RBM28: variants seen among roughly 807,000 people sequenced by gnomAD.
The protein encoded by RBM28 is RNA binding motif protein 28.
Under a neutral mutation model 98.3 loss-of-function variants are expected in RBM28, and 78 were observed. The observed-to-expected ratio is 0.79, with a 90% CI of 0.66 to 0.96. RBM28 has a LOEUF of 0.96. Ranked by LOEUF, RBM28 falls within the 40% of genes least tolerant of loss-of-function variation. The pLI is 0.00. For synonymous variants in RBM28, 306 were observed against 330.9 expected (o/e 0.92, Z 0.82); for missense variants, 838 against 913.0 (o/e 0.92, Z 1.06).
At chr7:128,320,511 T>C (rs1220649333) in intron 14 of RBM28, among the ~76,000 whole-genome samples, 1 of 152,164 alleles carries the variant, frequency 6.6e-6, no homozygotes, top group African/African-American at 2.4e-5. Context: ...TCTAACCAAG[T>C]TGGTGTGAAC....
intron 13 of RBM28, among the ~76,000 whole-genome samples, chr7:128,322,923 G>A (rs969281824): frequency 6.6e-6 from 1 of 152,112 alleles, no homozygotes; most frequent in African/African-American, 2.4e-5. Flanking sequence ...TCACAGTTAT[G>A]CATCTTTACC....
chr7:128,341,794 T>C (rs1345202816), intron 1 of RBM28, among the ~76,000 whole-genome samples: 2 of 152,238 alleles, frequency 1.3e-5, no homozygotes, highest in Non-Finnish European at 2.9e-5. Context: ...AGTACATACA[T>C]ATATTCTTTA....
Position 128,339,440 on chromosome 7 carries a change from A to G in RBM28, c.278-119T>C. On this transcript the variant is annotated intron_variant, in intron 2 of 18. Transcript: ENST00000223073. ...ATTTACCACAGGGTTAAGTGTGGCA[A>G]TAATACCAAGGAATACCAGATTTTT... 3.5e-6 allele frequency: 4 copies of G among 1,138,812 alleles called. No homozygotes were observed. The South Asian group carries it at 4.2e-5, about 12-fold the overall frequency. 70.5% of individuals were successfully genotyped at this position (1,138,812 alleles called of 1,614,324 possible).
rs1459607181 is a variant in RBM28, at chr7:128,305,899, G to T, written c.*4898C>A. The T allele has an allele frequency of 1.3e-5, 2 of 152,246 alleles. No individual in the cohort carries two copies. The highest frequency in any genetic ancestry group is 1.9e-4 in the East Asian group (1 of 5,202). 9.4% of individuals were successfully genotyped at this position (152,246 alleles called of 1,614,324 possible). On this transcript the variant is annotated 3_prime_UTR_variant, in exon 19 of 19. Coordinates refer to ENST00000223073, the MANE Select transcript of RBM28 (RefSeq NM_018077.3). ...AATAAAACTGGACAGGAAAGAAAGA[G>T]AAAATACATAAAACAAGGACAGGTT...
chr7:128,324,499 A>C, intron 12 of RBM28, 60 bp downstream of exon 12: 2 of 1,610,238 alleles, frequency 1.2e-6, no homozygotes, highest in Non-Finnish European at 1.7e-6. Context: ...CTATTGCTTG[A>C]TCAATGATTA....
rs535206285 is a variant in RBM28, at chr7:128,341,334, A to T, written c.119-1543T>A. On this transcript the variant is annotated intron_variant, in intron 1 of 18. Transcript: ENST00000223073. ...AGAAAATTCATAGCCCTTCATGATCAGTACAACCAAAAGTAAAGCAGCTGA... is the reference window on the plus strand; with the variant it reads ...AGAAAATTCATAGCCCTTCATGATCTGTACAACCAAAAGTAAAGCAGCTGA... The T allele has an allele frequency of 4.9e-4, 189 of 383,726 alleles. 3 individuals carry two copies. The highest frequency in any genetic ancestry group is 4.2e-3 in the South Asian group (175 of 42,138). 23.8% of individuals were successfully genotyped at this position (383,726 alleles called of 1,614,324 possible).
rs927257462 is a variant in RBM28, at chr7:128,301,011, G to C, written c.*9786C>G. 4 of 152,480 alleles carry C rather than the reference G, an allele frequency of 2.6e-5. No homozygotes were observed. Among genetic ancestry groups the C allele is most frequent in the African/African-American group, 7.2e-5 (3 of 41,470 alleles). 9.4% of individuals were successfully genotyped at this position (152,480 alleles called of 1,614,324 possible). Reference sequence around the variant, plus strand: ...GGAGCAGAGCCTGGCTCATATCCTGGTATCCCTGCAGAGGCTGGAGGTGGG... The same window carrying C: ...GGAGCAGAGCCTGGCTCATATCCTGCTATCCCTGCAGAGGCTGGAGGTGGG... On this transcript the variant is annotated 3_prime_UTR_variant, in exon 19 of 19. Coordinates refer to ENST00000223073, the MANE Select transcript of RBM28 (RefSeq NM_018077.3).
intron 17 of RBM28, among the ~76,000 whole-genome samples, chr7:128,314,213 C>T (rs1366182645): frequency 1.3e-5 from 2 of 152,182 alleles, no homozygotes; most frequent in Non-Finnish European, 2.9e-5. Context: ...CCACCCGCCT[C>T]GGCCTCCCAA....
chr7:128,324,640 G>A lies in RBM28; in HGVS notation c.1258C>T (p.Arg420Cys), dbSNP rs369688613. Residue 420 changes from arginine (R) to cysteine (C), a missense_variant, in exon 12 of 19, where the codon CGT (arginine) becomes TGT (cysteine). Arg to Cys is a radical substitution (Grantham distance 180, BLOSUM62 -3). Transcript: ENST00000223073. ...GTCTGAAGCTTTGCAGCCTCATCAC[G>A]GGTCACCGCCAAGTCAACCTTGAGC... ...RQLKVDLAVT[R>C]DEAAKLQTTK... 3.9e-5 allele frequency: 63 copies of A among 1,614,144 alleles called. No individual in the cohort carries two copies. Among genetic ancestry groups the A allele is most frequent in the Non-Finnish European group, 4.8e-5 (57 of 1,180,028 alleles).
intron 14 of RBM28, among the ~76,000 whole-genome samples, chr7:128,319,599 C>T (rs761056951): frequency 5.9e-5 from 9 of 152,152 alleles, no homozygotes; most frequent in Non-Finnish European, 1.2e-4. Flanking sequence ...CAGAGTAAAG[C>T]AGGCCCAAAA....
chr7:128,327,231 T>C (rs1258799197), intron 10 of RBM28, among the ~76,000 whole-genome samples: 2 of 152,192 alleles, frequency 1.3e-5, no homozygotes, highest in East Asian at 3.8e-4. Context: ...AAGTACCTAT[T>C]AGAGGACTAA....
At position 128,310,665 on chromosome 7, in the gene RBM28, C is replaced by T; in HGVS notation, c.*132G>A. The stretch of plus-strand genomic sequence containing the variant: ...AAGTTCAGATGTACACAGTCCAGGG[C>T]ACCTCCGAGCACAGTGGCAGTGCCC... On this transcript the variant is annotated 3_prime_UTR_variant, in exon 19 of 19. Coordinates refer to ENST00000223073, the MANE Select transcript of RBM28 (RefSeq NM_018077.3). 2 of 1,186,486 alleles carry T rather than the reference C, an allele frequency of 1.7e-6. No homozygotes were observed. Among genetic ancestry groups the T allele is most frequent in the Non-Finnish European group, 2.5e-6 (2 of 804,262 alleles). 73.5% of individuals were successfully genotyped at this position (1,186,486 alleles called of 1,614,324 possible).
At position 128,299,865 on chromosome 7, in the gene RBM28, A is replaced by T. The variant is rs1246646074; in HGVS notation, c.*10932T>A. On this transcript the variant is annotated 3_prime_UTR_variant, in exon 19 of 19. Transcript: ENST00000223073. The stretch of plus-strand genomic sequence containing the variant: ...ACTGGTGTCTTTATAAGAAGAGGGA[A>T]ATTTGGACATAGACCTATAGACACA... The T allele has an allele frequency of 6.6e-6, 1 of 152,238 alleles. No homozygotes were observed. Among genetic ancestry groups the T allele is most frequent in the Non-Finnish European group, 1.5e-5 (1 of 68,042 alleles). 9.4% of individuals were successfully genotyped at this position (152,238 alleles called of 1,614,324 possible).
chr7:128,329,758 G>T (rs1796432845), intron 10 of RBM28, among the ~76,000 whole-genome samples: 4 of 151,978 alleles, frequency 2.6e-5, no homozygotes, highest in Admixed American at 6.6e-5. Flanking sequence ...GTGCAGTGGT[G>T]GGCACCTGTA....
rs558235448 is a variant in RBM28 at position 128,305,540 on chromosome 7, C to G, written c.*5257G>C. On this transcript the variant is annotated 3_prime_UTR_variant, in exon 19 of 19. Coordinates refer to ENST00000223073, the MANE Select transcript of RBM28 (RefSeq NM_018077.3). ...ATCTTGCTATGTTGCCCAGGCTAGT[C>G]CTGAACTCCTGGGCTCAAGTGATTC... The G allele has an allele frequency of 3.0e-4, 46 of 152,278 alleles. No individual in the cohort carries two copies. The highest frequency in any genetic ancestry group is 4.1e-4 in the Non-Finnish European group (28 of 68,074). 9.4% of individuals were successfully genotyped at this position (152,278 alleles called of 1,614,324 possible).
chr7:128,310,531 T>G lies in RBM28; in HGVS notation c.*266A>C, dbSNP rs961051129. 4 of 482,954 alleles carry G rather than the reference T, an allele frequency of 8.3e-6. No homozygotes were observed. Among genetic ancestry groups the G allele is most frequent in the African/African-American group, 7.7e-5 (4 of 51,956 alleles). The allele number at this position is 482,954 out of a possible 1,614,324, so 29.9% of individuals were successfully genotyped here. ...AATAAAGAATAAAAATTGGTAATAA[T>G]TATAGACACAACTTCATACAATAAT... On this transcript the variant is annotated 3_prime_UTR_variant, in exon 19 of 19. Transcript: ENST00000223073.
Position 128,338,362 on chromosome 7 carries a change from G to C in RBM28, c.449-20C>G, listed in dbSNP as rs1260508842. 3.1e-6 allele frequency: 5 copies of C among 1,602,128 alleles called. No homozygotes were observed. In the African/African-American group the frequency reaches 6.7e-5, roughly 21 times the overall value. On this transcript the variant is annotated intron_variant, in intron 4 of 18. Coordinates refer to ENST00000223073, the MANE Select transcript of RBM28 (RefSeq NM_018077.3). ...TCCCATCTGTGTGCAAATGCACAAA[G>C]AAAGAAGTGAGAGGCAGCAGGAGGT...
rs112712877 is a variant in RBM28 at position 128,313,340 on chromosome 7, T to G, written c.2046-66A>C. The stretch of plus-strand genomic sequence containing the variant: ...TAATTTGACACCCCTAGGTTCTCTT[T>G]GTACACTGGCCCTTCCCAAGCCCAT... On this transcript the variant is annotated intron_variant, in intron 17 of 18. Coordinates refer to ENST00000223073, the MANE Select transcript of RBM28 (RefSeq NM_018077.3). 217 of 1,451,014 alleles carry G rather than the reference T, an allele frequency of 1.5e-4. 1 individual carries two copies. The highest frequency in any genetic ancestry group is 9.1e-4 in the Middle Eastern group (5 of 5,502). 89.9% of individuals were successfully genotyped at this position (1,451,014 alleles called of 1,614,324 possible).
rs200981586 is a variant in RBM28 at position 128,337,129 on chromosome 7, A to G, written c.613+2T>C. On this transcript the variant is annotated splice_donor_variant, in intron 6 of 18. Coordinates refer to ENST00000223073, the MANE Select transcript of RBM28 (RefSeq NM_018077.3). LOFTEE classifies it high-confidence loss of function. ...TACTCACCCAACACTACCACATCTT[A>G]CCTATAGCAGAAACAGACTGTGTAT... The G allele has an allele frequency of 5.3e-5, 86 of 1,613,846 alleles. No individual in the cohort carries two copies. Among genetic ancestry groups the G allele is most frequent in the Non-Finnish European group, 7.0e-5 (83 of 1,179,882 alleles).
Sources: gnomAD v4.1 joint callset for allele counts (sites outside exome capture counted in the v4.1 genomes callset) on GRCh38, gnomAD v4.1.1 for gene constraint, MANE v1.5 for transcripts, NCBI Gene and HGNC (gene_info 2026-07-23, HGNC 2026-07-21) for gene names.